The following MALT1 variants were observed in gnomAD, a reference collection of about 807,000 sequenced individuals.
MALT1 encodes the protein mucosa-associated lymphoid tissue lymphoma translocation protein 1.
A neutral mutation model predicts 85.5 loss-of-function variants in MALT1; 36 were observed. That is an observed-to-expected ratio of 0.42 (90% CI 0.32 to 0.56). MALT1 has a LOEUF of 0.56. MALT1 is among the 20% of genes least tolerant of loss of function. The probability of loss-of-function intolerance (pLI) is 0.10; values close to 1 mark genes in which losing one functional copy is unlikely to be tolerated. For synonymous variants in MALT1, 359 were observed against 361.3 expected (o/e 0.99, Z 0.07); for missense variants, 716 against 981.6 (o/e 0.73, Z 3.62).
chr18:58,741,952 T>C lies in MALT1; in HGVS notation c.1691T>C (p.Ile564Thr). 10 of 1,569,584 alleles carry C rather than the reference T, an allele frequency of 6.4e-6. No individual in the cohort carries two copies. Among genetic ancestry groups the C allele is most frequent in the Non-Finnish European group, 8.7e-6 (10 of 1,147,778 alleles). The change falls in exon 14 of 17, where the codon ATA (isoleucine) becomes ACA (threonine). Residue 564 changes from isoleucine (I) to threonine (T), a missense_variant. Physicochemically the swap from Ile to Thr is moderately conservative, Grantham distance 89. Coordinates refer to ENST00000649217, the MANE Select transcript of MALT1 (RefSeq NM_006785.4). The stretch of plus-strand genomic sequence containing the variant: ...GAGAAGAGAGCACTTACTGATCCAA[T>C]ACAGGGAACAGAATATTCTGCTGAA... ...LSEKRALTDP[I>T]QGTEYSAESL...
At chr18:58,695,116 A>G (rs1056874933) in intron 2 of MALT1, among the ~76,000 whole-genome samples, 3 of 152,198 alleles carry the variant, frequency 2.0e-5, no homozygotes, top group African/African-American at 7.2e-5. Context: ...GTCTGCCGCC[A>G]TGTGAGACAT....
intron 13 of MALT1, among the ~76,000 whole-genome samples, chr18:58,735,844 A>AG (rs1295053029): frequency 6.6e-6 from 1 of 152,124 alleles, no homozygotes; most frequent in Non-Finnish European, 1.5e-5. Flanking sequence ...ATGTGATCCT[A>AG]GGGGGTCTAA....
rs375945913 is a variant in MALT1 at position 58,703,061 on chromosome 18, T to G, written c.649+2470T>G. 1.4e-4 allele frequency among the ~76,000 whole-genome samples: 21 copies of G among 152,274 alleles called. 1 individual carries two copies. In the South Asian group the frequency reaches 4.4e-3, roughly 32 times the overall value. ...TAAACTCAAATGACGTTAAGGTTGT[T>G]GAGAAATAAAATATCGGTCAGGCGC... On this transcript the variant is annotated intron_variant, in intron 4 of 16. Transcript: ENST00000649217.
intron 4 of MALT1, among the ~76,000 whole-genome samples, chr18:58,701,879 A>G (rs754351579): frequency 1.1e-4 from 17 of 152,206 alleles, no homozygotes; most frequent in Non-Finnish European, 2.5e-4. Context: ...AAAAACAAAC[A>G]CTCAATAACC....
At chr18:58,689,155 A>G (rs2054456739) in intron 2 of MALT1, among the ~76,000 whole-genome samples, 1 of 147,798 alleles carries the variant, frequency 6.8e-6, no homozygotes, top group Non-Finnish European at 1.5e-5. Flanking sequence ...CTGTCTCAAA[A>G]AAACAAAAAG....
At chr18:58,734,025 C>A in intron 11 of MALT1, 1 of 1,242,416 alleles carries the variant, frequency 8.0e-7, no homozygotes, top group East Asian at 3.7e-5. Flanking sequence ...AGGAGTAGAA[C>A]CAATGACTGT....
rs1025064622 is a variant in MALT1 at position 58,753,050 on chromosome 18, T to G, written c.*5208T>G. The G allele has an allele frequency of 6.6e-6, 1 of 152,216 alleles. No homozygotes were observed. The highest frequency in any genetic ancestry group is 2.4e-5 in the African/African-American group (1 of 41,452). The allele number at this position is 152,216 out of a possible 1,614,324, so 9.4% of individuals were successfully genotyped here. A position where few individuals can be genotyped will look rare whatever the true frequency, so the allele number is the denominator to read the frequency against. Reference sequence around the variant, plus strand: ...TGATGCTGTAACATCAAAGAGCTTATAATACTTTCCAGAGCTGGCAGTACT... The same window carrying G: ...TGATGCTGTAACATCAAAGAGCTTAGAATACTTTCCAGAGCTGGCAGTACT... On this transcript the variant is annotated 3_prime_UTR_variant, in exon 17 of 17. Coordinates refer to ENST00000649217, the MANE Select transcript of MALT1 (RefSeq NM_006785.4).
chr18:58,712,161 A>C (rs1045449039), intron 7 of MALT1, among the ~76,000 whole-genome samples: 11 of 152,220 alleles, frequency 7.2e-5, no homozygotes, highest in Non-Finnish European at 1.3e-4. Flanking sequence ...TCTATTTAGA[A>C]CATATAGAGA....
chr18:58,705,329 T>C (rs1438257739), intron 4 of MALT1, among the ~76,000 whole-genome samples: 1 of 151,806 alleles, frequency 6.6e-6, no homozygotes, highest in African/African-American at 2.4e-5. Flanking sequence ...TGTGTATTTA[T>C]TTTTATTATT....
chr18:58,698,075 G>GTTTTTTT (rs1315560558), intron 3 of MALT1, among the ~76,000 whole-genome samples: 7 of 92,830 alleles, frequency 7.5e-5, no homozygotes, highest in African/African-American at 2.2e-4. Context: ...TTGTTTTTTT[G>GTTTTTTT]TTTTTTTTTT....
chr18:58,698,781 A>G (rs2054630798), intron 3 of MALT1, among the ~76,000 whole-genome samples: 1 of 152,180 alleles, frequency 6.6e-6, no homozygotes, highest in Non-Finnish European at 1.5e-5. Flanking sequence ...CCCTGTGAGC[A>G]TAATGGATGG....
In MALT1 at chr18:58,749,102, C is replaced by T. The variant is rs1476883810; in HGVS notation, c.*1260C>T. ...TTATCCCAGGAATTCAAGGTTGGTT[C>T]AACATCTAAAAATCAAATAAGCTAA... On this transcript the variant is annotated 3_prime_UTR_variant, in exon 17 of 17. Transcript: ENST00000649217. The T allele has an allele frequency of 1.8e-5, 4 of 217,952 alleles. No homozygotes were observed. Among genetic ancestry groups the T allele is most frequent in the Non-Finnish European group, 2.8e-5 (3 of 108,536 alleles). 13.5% of individuals were successfully genotyped at this position (217,952 alleles called of 1,614,324 possible).
At chr18:58,720,727 A>AT (rs954127473) in intron 9 of MALT1, among the ~76,000 whole-genome samples, 1 of 152,136 alleles carries the variant, frequency 6.6e-6, no homozygotes, top group African/African-American at 2.4e-5. Context: ...AGACCCAGTG[A>AT]TTTTTTTATT....
intron 2 of MALT1, among the ~76,000 whole-genome samples, chr18:58,684,774 A>G (rs1228242178): frequency 1.3e-5 from 2 of 152,164 alleles, no homozygotes; most frequent in Non-Finnish European, 2.9e-5. Context: ...ATAGTAGAAT[A>G]AAGAAATATA....
intron 13 of MALT1, among the ~76,000 whole-genome samples, chr18:58,739,365 G>C (rs1364682858): frequency 6.6e-6 from 1 of 152,156 alleles, no homozygotes; most frequent in Non-Finnish European, 1.5e-5. Context: ...GTGGCATACA[G>C]AGTATCAGTG....
chr18:58,734,771 TTTAA>T (rs532158861), intron 12 of MALT1, among the ~76,000 whole-genome samples: 91 of 152,366 alleles, frequency 6.0e-4, no homozygotes, highest in Non-Finnish European at 1.2e-3. Flanking sequence ...AGATTAACTC[TTTAA>T]TTATCAATGT....
At chr18:58,730,609 G>A (rs534573420) in intron 10 of MALT1, among the ~76,000 whole-genome samples, 4 of 152,270 alleles carry the variant, frequency 2.6e-5, no homozygotes, top group Admixed American at 6.5e-5. Flanking sequence ...ACACATTCTT[G>A]TGTGGACGTA....
rs111947626 is a variant in MALT1 at position 58,709,300 on chromosome 18, T to C, written c.650-78T>C. 1.6e-3 allele frequency: 1,546 copies of C among 937,226 alleles called. 20 individuals carry two copies. In the African/African-American group the frequency reaches 0.023, roughly 14 times the overall value. The allele number at this position is 937,226 out of a possible 1,614,324, so 58.1% of individuals were successfully genotyped here. On this transcript the variant is annotated intron_variant, in intron 4 of 16. Transcript: ENST00000649217. ...AAATTGTAACAAATGAAGGGGGAAC[T>C]TGACACATCTCTTTAATTATAGGGA...
In MALT1 at chr18:58,754,413, C is replaced by T. The variant is rs2055484978; in HGVS notation, c.*6571C>T. On this transcript the variant is annotated 3_prime_UTR_variant, in exon 17 of 17. Transcript: ENST00000649217. The stretch of plus-strand genomic sequence containing the variant: ...TGTTGCTACATTATGCTCAATACAG[C>T]AGGCTGTTCTGCTAGGGAAATTGTT... 1.3e-5 allele frequency: 2 copies of T among 152,242 alleles called. No homozygotes were observed. The highest frequency in any genetic ancestry group is 2.9e-5 in the Non-Finnish European group (2 of 68,048). 9.4% of individuals were successfully genotyped at this position (152,242 alleles called of 1,614,324 possible). A position where few individuals can be genotyped will look rare whatever the true frequency, so the allele number is the denominator to read the frequency against.
Sources: allele counts gnomAD v4.1 joint callset (sites outside exome capture counted in the v4.1 genomes callset), GRCh38; gene constraint gnomAD v4.1.1; transcripts MANE v1.5; gene names NCBI Gene and HGNC (gene_info 2026-07-23, HGNC 2026-07-21).